Variants in USH2A observed in about 807,000 individuals in gnomAD.
USH2A encodes usherin, also known as Usher syndrome 2A (autosomal recessive, mild).
USH2A carries 443 observed loss-of-function variants against 538.9 expected under a neutral mutation model. That is an observed-to-expected ratio of 0.82 (90% CI 0.76 to 0.89). The LOEUF (loss-of-function observed/expected upper bound fraction) is 0.89. Among genes scored for constraint, USH2A ranks in the 40% least tolerant of loss-of-function variants. The probability of loss-of-function intolerance (pLI) is 0.00; values close to 1 mark genes in which losing one functional copy is unlikely to be tolerated. For missense variants in USH2A, 6,633 were observed against 6,324.8 expected, an observed-to-expected ratio of 1.05 and a Z score of -1.65; for synonymous variants, 2,413 against 2,273.5, an observed-to-expected ratio of 1.06 and a Z score of -1.75.
At position 216,119,123 on chromosome 1, in the gene USH2A, CTTAT is replaced by C. The variant is rs762771753; in HGVS notation, c.4628-21914_4628-21911del. On this transcript the variant is annotated intron_variant, in intron 21 of 71. Coordinates refer to ENST00000307340, the MANE Select transcript of USH2A (RefSeq NM_206933.4). ...GTTCCATTTTATTTATTAGGATGGT[CTTAT>C]ATGAACTATTCAAAAGGCTTATTTT... Among the ~76,000 whole-genome samples the C allele has an allele frequency of 1.4e-3, 216 of 152,266 alleles. 1 individual carries two copies. The highest frequency in any genetic ancestry group is 2.7e-3 in the Non-Finnish European group (183 of 68,020).
intron 21 of USH2A, among the ~76,000 whole-genome samples, chr1:216,151,422 T>C (rs966049264): frequency 2.0e-5 from 3 of 152,136 alleles, no homozygotes; most frequent in Non-Finnish European, 4.4e-5. Context: ...AAGAGCTCCC[T>C]GTTCCCCTCA....
intron 44 of USH2A, among the ~76,000 whole-genome samples, chr1:215,859,409 C>G (rs905436014): frequency 3.9e-5 from 6 of 152,024 alleles, no homozygotes; most frequent in African/African-American, 1.4e-4. Flanking sequence ...TGGGATGTGC[C>G]TGTAGTCCCA....
At chr1:216,110,548 A>C (rs1399181922) in intron 21 of USH2A, among the ~76,000 whole-genome samples, 1 of 152,230 alleles carries the variant, frequency 6.6e-6, no homozygotes, top group Non-Finnish European at 1.5e-5. Context: ...TGAATAATAA[A>C]GATAAACAAG....
chr1:216,421,915 G>T lies in USH2A; in HGVS notation c.422C>A (p.Ser141Tyr). Residue 141 changes from serine to tyrosine, a missense_variant, in exon 2 of 72, where the codon TCT (serine) becomes TAT (tyrosine). Coordinates refer to ENST00000307340, the MANE Select transcript of USH2A (RefSeq NM_206933.4). ...NHKSCFSSPP[S>Y]PKLMASFTLA... ...GGTAAATGATGCCATCAGCTTTGGA[G>T]AAGGAGGAGAAGAAAAGCAGCTCTT... The T allele has an allele frequency of 6.2e-7, 1 of 1,613,964 alleles. No individual in the cohort carries two copies. Among genetic ancestry groups the T allele is most frequent in the South Asian group, 1.1e-5 (1 of 91,088 alleles).
chr1:216,341,504 T>C (rs60053626), intron 4 of USH2A, among the ~76,000 whole-genome samples: 1,775 of 152,212 alleles, frequency 0.012, 31 homozygotes, highest in African/African-American at 0.041. Flanking sequence ...AATTTAAATT[T>C]CATATGGAAA....
At chr1:215,812,810 T>C (rs553119240) in intron 49 of USH2A, among the ~76,000 whole-genome samples, 2 of 152,358 alleles carry the variant, frequency 1.3e-5, no homozygotes, top group African/African-American at 4.8e-5. Flanking sequence ...AAGTCTTAAA[T>C]AGTCCTTTTA....
At position 215,845,811 on chromosome 1, in the gene USH2A, A is replaced by G; in HGVS notation, c.9055+13T>C. On this transcript the variant is annotated intron_variant, in intron 45 of 71. Coordinates refer to ENST00000307340, the MANE Select transcript of USH2A (RefSeq NM_206933.4). The stretch of plus-strand genomic sequence containing the variant: ...CATCTCTGAGGCAAATATCCTTTAG[A>G]ATCTGGACTCACCCCCATCGCAAGT... The G allele has an allele frequency of 6.2e-7, 1 of 1,612,534 alleles. No individual in the cohort carries two copies. The highest frequency in any genetic ancestry group is 8.5e-7 in the Non-Finnish European group (1 of 1,179,118).
chr1:215,663,253 A>C (rs1051466589), intron 64 of USH2A, among the ~76,000 whole-genome samples: 4 of 152,156 alleles, frequency 2.6e-5, no homozygotes, highest in African/African-American at 9.7e-5. Flanking sequence ...AACTAGTGAG[A>C]TCCTGGGGGG....
At chr1:215,693,325 T>A (rs1658685865) in intron 61 of USH2A, among the ~76,000 whole-genome samples, 1 of 151,990 alleles carries the variant, frequency 6.6e-6, no homozygotes, top group African/African-American at 2.4e-5. Context: ...AGATTATTTG[T>A]GAGCAAAGTT....
At chr1:216,064,813 G>A (rs901531090) in intron 30 of USH2A, among the ~76,000 whole-genome samples, 1 of 152,168 alleles carries the variant, frequency 6.6e-6, no homozygotes, top group Non-Finnish European at 1.5e-5. Flanking sequence ...GTGTGGAGTA[G>A]GCTATGTCAT....
In USH2A at chr1:215,952,211, T is replaced by C. The variant is rs992438665; in HGVS notation, c.7120+13106A>G. Among the ~76,000 whole-genome samples the C allele has an allele frequency of 3.3e-5, 5 of 152,158 alleles. No homozygotes were observed. The East Asian group carries it at 9.6e-4, about 29-fold the overall frequency. On this transcript the variant is annotated intron_variant, in intron 37 of 71. Transcript: ENST00000307340. ...GAGACTAGGATTGCAACCCCTGACT[T>C]TTTTAGTTTTCCATTTGCTTGGTAG...
intron 3 of USH2A, among the ~76,000 whole-genome samples, chr1:216,406,819 T>C (rs192709591): frequency 1.2e-4 from 19 of 152,300 alleles, no homozygotes; most frequent in African/African-American, 4.1e-4. Flanking sequence ...CCTAAAGTGC[T>C]AGCACTCCAA....
intron 55 of USH2A, 145 bp from the exon 56 acceptor site, chr1:215,766,933 A>G: frequency 1.2e-6 from 1 of 805,426 alleles, no homozygotes; most frequent in East Asian, 2.7e-5. Context: ...AGAAGGTCTG[A>G]ACCTCATAAG....
intron 44 of USH2A, among the ~76,000 whole-genome samples, chr1:215,855,902 C>T (rs1289223560): frequency 2.6e-5 from 4 of 152,134 alleles, no homozygotes; most frequent in Non-Finnish European, 4.4e-5. Flanking sequence ...GCCAACTGAT[C>T]TTTGACAAAA....
chr1:215,747,871 T>TTTTG (rs1274183163), intron 58 of USH2A, among the ~76,000 whole-genome samples: 4 of 129,420 alleles, frequency 3.1e-5, no homozygotes, highest in African/African-American at 1.1e-4. Context: ...TTTGTTTTTT[T>TTTTG]TTGTTTGTTT....
chr1:216,239,114 A>T (rs971184957), intron 13 of USH2A, among the ~76,000 whole-genome samples: 1 of 152,016 alleles, frequency 6.6e-6, no homozygotes, highest in African/African-American at 2.4e-5. Context: ...GAAAAAAAAA[A>T]ACATTAAAGT....
rs745702281 is a variant in USH2A at position 215,798,968 on chromosome 1, A to G, written c.9897T>C (p.Ile3299=). 6.2e-7 allele frequency: 1 copy of G among 1,614,088 alleles called. No homozygotes were observed. Among genetic ancestry groups the G allele is most frequent in the South Asian group, 1.1e-5 (1 of 91,080 alleles). ...CACAACACTCTAAATCGTTGCTCAC[A>G]ATCTGTCTGCCACAGCACTTCTGGC... ...GHGQKCCGRQ[I]VSNDLECCGG... Residue 3299 remains isoleucine (I), a synonymous_variant, in exon 50 of 72, where the codon ATT becomes ATC. Transcript: ENST00000307340.
chr1:215,890,577 A>G (rs1459931490), intron 40 of USH2A, among the ~76,000 whole-genome samples: 1 of 152,176 alleles, frequency 6.6e-6, no homozygotes, highest in East Asian at 1.9e-4. Flanking sequence ...AAAAAACCCT[A>G]AAACCAGCAG....
chr1:215,980,623 A>G (rs1667729011), intron 35 of USH2A, among the ~76,000 whole-genome samples: 1 of 152,112 alleles, frequency 6.6e-6, no homozygotes, highest in Non-Finnish European at 1.5e-5. Context: ...TTGAAGAACC[A>G]TGTCCTTGCT....
Sources: gnomAD v4.1 joint callset for allele counts (sites outside exome capture counted in the v4.1 genomes callset) on GRCh38, gnomAD v4.1.1 for gene constraint, MANE v1.5 for transcripts, NCBI Gene and HGNC (gene_info 2026-07-23, HGNC 2026-07-21) for gene names.